HDAC9: variants seen among roughly 807,000 people sequenced by gnomAD.
The protein encoded by HDAC9 is MEF-2 interacting transcription repressor (MITR) protein.
Under a neutral mutation model 139.4 loss-of-function variants are expected in HDAC9, and 41 were observed. The ratio of observed to expected loss-of-function variants is 0.29; its 90% CI spans 0.23 to 0.38. The LOEUF (loss-of-function observed/expected upper bound fraction) is 0.38. Ranked by LOEUF, HDAC9 falls within the 10% of genes least tolerant of loss-of-function variation. HDAC9 has a pLI of 1.00. For synonymous variants in HDAC9, 517 were observed against 476.2 expected (o/e 1.09, Z -1.12); for missense variants, 1,147 against 1,297.0 (o/e 0.88, Z 1.78).
intron 2 of HDAC9, among the ~76,000 whole-genome samples, chr7:18,221,320 G>A (rs1017607971): frequency 2.0e-5 from 3 of 152,056 alleles, no homozygotes; most frequent in Non-Finnish European, 2.9e-5. Context: ...GTCCAGGCTG[G>A]TCTCGAACTC....
chr7:18,290,213 T>G, upstream of HDAC9: 1 of 279,412 alleles, frequency 3.6e-6, no homozygotes, highest in South Asian at 3.8e-5. Context: ...TAATAAAATG[T>G]TCATTCATTA....
At chr7:18,240,930 G>C (rs7779739) in intron 2 of HDAC9, among the ~76,000 whole-genome samples, 1 of 152,104 alleles carries the variant, frequency 6.6e-6, no homozygotes, top group Non-Finnish European at 1.5e-5. Context: ...TCTCTGCTCA[G>C]ATGTCACTGC....
At chr7:18,746,826 A>C (rs368419219) in intron 13 of HDAC9, among the ~76,000 whole-genome samples, 7 of 152,342 alleles carry the variant, frequency 4.6e-5, no homozygotes, top group African/African-American at 1.7e-4. Context: ...CTAATGAAGA[A>C]AATATACAAT....
At chr7:18,311,298 G>A (rs1233946388) in intron 1 of HDAC9, among the ~76,000 whole-genome samples, 1 of 151,866 alleles carries the variant, frequency 6.6e-6, no homozygotes, top group Admixed American at 6.6e-5. Context: ...TTGAGATTTG[G>A]TACATATATA....
chr7:18,797,304 T>C (rs1468077487), intron 17 of HDAC9, among the ~76,000 whole-genome samples: 1 of 152,312 alleles, frequency 6.6e-6, no homozygotes. Context: ...GGGCTAAAAC[T>C]ATCTATTTTA....
rs1356739119 is a variant in HDAC9 at position 18,792,504 on chromosome 7, T to C, written c.2215-841T>C. On this transcript the variant is annotated intron_variant, in intron 16 of 25. Coordinates refer to ENST00000686413, the MANE Select transcript of HDAC9 (RefSeq NM_178425.4). ...TAAACCACCATTGTTGCTCTTTTCA[T>C]GTATGCATTATTATGTGTTTTCATT... is the stretch of plus-strand genomic sequence containing the variant. Among the ~76,000 whole-genome samples the C allele has an allele frequency of 2.0e-5, 3 of 152,118 alleles. No individual in the cohort carries two copies. The East Asian group carries it at 5.8e-4, about 29-fold the overall frequency.
At chr7:18,122,112 C>A (rs73315723) in intron 1 of HDAC9, among the ~76,000 whole-genome samples, 3,529 of 152,248 alleles carry the variant, frequency 0.023, 142 homozygotes, top group African/African-American at 0.079. Context: ...TGAAAAGCCC[C>A]CATAGCATTC....
intron 2 of HDAC9, among the ~76,000 whole-genome samples, chr7:18,562,610 G>A (rs1820964716): frequency 6.6e-6 from 1 of 152,078 alleles, no homozygotes; most frequent in African/African-American, 2.4e-5. Context: ...CCATTCATCT[G>A]TACATCTGTC....
chr7:18,529,937 T>C (rs1808297618), intron 2 of HDAC9, among the ~76,000 whole-genome samples: 2 of 152,134 alleles, frequency 1.3e-5, no homozygotes, highest in Non-Finnish European at 2.9e-5. Flanking sequence ...ATTTCTACTG[T>C]AATTATTTTT....
At chr7:18,141,835 A>G (rs540693850) in intron 1 of HDAC9, among the ~76,000 whole-genome samples, 5 of 152,216 alleles carry the variant, frequency 3.3e-5, no homozygotes, top group Non-Finnish European at 1.5e-5. Flanking sequence ...TTATTTATTT[A>G]TTTCAATAAA....
intron 1 of HDAC9, among the ~76,000 whole-genome samples, chr7:18,379,352 T>G (rs1785242515): frequency 6.6e-6 from 1 of 152,226 alleles, no homozygotes; most frequent in South Asian, 2.1e-4. Context: ...CAAGTAGGCC[T>G]GAAATCCATG....
At chr7:18,450,135 TG>T (rs1792680623) in intron 1 of HDAC9, among the ~76,000 whole-genome samples, 1 of 152,212 alleles carries the variant, frequency 6.6e-6, no homozygotes, top group African/African-American at 2.4e-5. Flanking sequence ...TGGCAAATAT[TG>T]GGCTGTTCAA....
intron 2 of HDAC9, among the ~76,000 whole-genome samples, chr7:18,171,462 G>T (rs1024529019): frequency 1.3e-5 from 2 of 152,146 alleles, no homozygotes; most frequent in East Asian, 3.8e-4. Context: ...GATTGCGCTG[G>T]CCAGAACTTC....
intron 1 of HDAC9, among the ~76,000 whole-genome samples, chr7:18,106,090 T>TA (rs1270030144): frequency 6.6e-6 from 1 of 152,192 alleles, no homozygotes; most frequent in Non-Finnish European, 1.5e-5. Context: ...CTAAAGGATA[T>TA]AGGGTTTCTT....
intron 1 of HDAC9, among the ~76,000 whole-genome samples, chr7:18,140,893 G>A (rs556609642): frequency 1.3e-4 from 19 of 150,946 alleles, no homozygotes; most frequent in Non-Finnish European, 1.5e-4. Flanking sequence ...TTTAAATGGG[G>A]AGCCAAACTT....
chr7:18,676,163 G>A (rs1200456118), intron 12 of HDAC9, among the ~76,000 whole-genome samples: 2 of 151,942 alleles, frequency 1.3e-5, no homozygotes, highest in Non-Finnish European at 2.9e-5. Context: ...GTAGCCTATA[G>A]GGGGTTCTCT....
chr7:18,807,065 A>G (rs574096609), intron 17 of HDAC9, among the ~76,000 whole-genome samples: 1 of 152,308 alleles, frequency 6.6e-6, no homozygotes, highest in Non-Finnish European at 1.5e-5. Context: ...GAATTTACCA[A>G]TGAAGCTTTT....
chr7:18,415,373 C>T (rs1788958578), intron 1 of HDAC9, among the ~76,000 whole-genome samples: 1 of 152,176 alleles, frequency 6.6e-6, no homozygotes, highest in South Asian at 2.1e-4. Context: ...TGTTAGGAGC[C>T]TCTCAGCTGT....
intron 2 of HDAC9, among the ~76,000 whole-genome samples, chr7:18,240,173 T>A (rs1794096692): frequency 1.3e-5 from 2 of 152,186 alleles, no homozygotes; most frequent in Non-Finnish European, 2.9e-5. Context: ...TTCCTAGATT[T>A]ATAACTGCAA....
Sources: gnomAD v4.1 joint callset for allele counts (sites outside exome capture counted in the v4.1 genomes callset) on GRCh38, gnomAD v4.1.1 for gene constraint, MANE v1.5 for transcripts, NCBI Gene and HGNC (gene_info 2026-07-23, HGNC 2026-07-21) for gene names.